TSHB: variants seen among roughly 807,000 people sequenced by gnomAD.
TSHB encodes the protein thyrotropin subunit beta.
TSHB carries 9 observed loss-of-function variants against 9.3 expected under a neutral mutation model. The ratio of observed to expected loss-of-function variants is 0.97; its 90% CI spans 0.58 to 1.69. The LOEUF (loss-of-function observed/expected upper bound fraction) is 1.69. Ranked by LOEUF, TSHB falls within the 40% of genes most tolerant of loss-of-function variation. The pLI, the probability that TSHB is intolerant of heterozygous loss-of-function variation, is 0.00. For synonymous variants in TSHB, 57 were observed against 57.2 expected (o/e 1.00, Z 0.01); for missense variants, 182 against 168.5 (o/e 1.08, Z -0.44).
chr1:115,031,460 A>G (rs1258816309), intron 1 of TSHB, among the ~76,000 whole-genome samples: 1 of 152,036 alleles, frequency 6.6e-6, no homozygotes, highest in Admixed American at 6.6e-5. Flanking sequence ...GTTCTCATAG[A>G]TTTATGGAAG....
At position 115,034,102 on chromosome 1, in the gene TSHB, C is replaced by G; in HGVS notation, c.292C>G (p.Pro98Ala). 6.2e-7 allele frequency: 1 copy of G among 1,613,764 alleles called. No individual in the cohort carries two copies. The highest frequency in any genetic ancestry group is 1.1e-5 in the South Asian group (1 of 91,080). ...CCATGTTGCTCCCTATTTTTCCTAT[C>G]CTGTTGCTTTAAGCTGTAAGTGTGG... is the stretch of plus-strand genomic sequence containing the variant. ...PLHVAPYFSY[P>A]VALSCKCGKC... The change falls in exon 3 of 3, where the codon CCT becomes GCT. Residue 98 changes from proline to alanine, a missense_variant. By Grantham distance (27) the Pro-to-Ala change is conservative. Transcript: ENST00000256592.
chr1:115,033,817 C>A, intron 2 of TSHB, 156 bp from the exon 3 acceptor site: 1 of 501,486 alleles, frequency 2.0e-6, no homozygotes, highest in Non-Finnish European at 2.6e-6. Flanking sequence ...TAGAATTCAA[C>A]GTGGTTAAGT....
chr1:115,033,585 C>A, intron 2 of TSHB, 61 bp downstream of exon 2: 2 of 1,424,748 alleles, frequency 1.4e-6, no homozygotes, highest in South Asian at 1.1e-5. Flanking sequence ...GAAGTCCATT[C>A]CTATATAGAA....
intron 1 of TSHB, among the ~76,000 whole-genome samples, chr1:115,030,304 G>A (rs569727575): frequency 1.3e-5 from 2 of 152,056 alleles, no homozygotes; most frequent in Non-Finnish European, 1.5e-5. Context: ...TGTATTATAA[G>A]TTCTTTTTAG....
chr1:115,033,176 C>A lies in TSHB; in HGVS notation c.-1-186C>A, dbSNP rs115574255. On this transcript the variant is annotated intron_variant, in intron 1 of 2. Transcript: ENST00000256592. ...AGATTTCTGAGTTAGCCCCTTAACA[C>A]CAGTTGTAATTTCAGTTGACCTTTT... The A allele has an allele frequency of 8.5e-3, 1,426 of 167,266 alleles. 23 individuals carry two copies. The highest frequency in any genetic ancestry group is 0.032 in the African/African-American group (1,346 of 41,788). The allele number at this position is 167,266 out of a possible 1,614,324, so 10.4% of individuals were successfully genotyped here.
rs1417433203 is a variant in TSHB, at chr1:115,033,463, G to T, written c.101G>T (p.Arg34Ile). Residue 34 changes from arginine (R) to isoleucine (I), a missense_variant, in exon 2 of 3, where the codon AGA becomes ATA. Transcript: ENST00000256592. ...PTEYTMHIER[R>I]ECAYCLTINT... ...GAGTATACAATGCACATCGAAAGGA[G>T]AGAGTGTGCTTATTGCCTAACCATC... The T allele has an allele frequency of 6.2e-7, 1 of 1,613,184 alleles. No homozygotes were observed. Among genetic ancestry groups the T allele is most frequent in the East Asian group, 2.2e-5 (1 of 44,862 alleles).
intron 2 of TSHB, 124 bp downstream of exon 2, chr1:115,033,648 C>T: frequency 1.0e-6 from 1 of 955,974 alleles, no homozygotes; most frequent in Admixed American, 1.7e-5. Flanking sequence ...GTTATTGGCT[C>T]CTTAGAAGCA....
chr1:115,030,784 A>T lies in TSHB; in HGVS notation c.-2+924A>T, dbSNP rs547960352. On this transcript the variant is annotated intron_variant, in intron 1 of 2. Coordinates refer to ENST00000256592, the MANE Select transcript of TSHB (RefSeq NM_000549.5). ...ATGACAATGAGGAAGAAATTGTGGC[A>T]TATCACAGAGGAAGGGATTAACTAA... Among the ~76,000 whole-genome samples the T allele has an allele frequency of 3.3e-5, 5 of 152,146 alleles. No individual in the cohort carries two copies. The East Asian group carries it at 9.6e-4, about 29-fold the overall frequency.
At chr1:115,031,344 C>A (rs1674890928) in intron 1 of TSHB, among the ~76,000 whole-genome samples, 1 of 151,688 alleles carries the variant, frequency 6.6e-6, no homozygotes, top group Admixed American at 6.6e-5. Flanking sequence ...ATAGGAAAAC[C>A]AAAACAAATT....
rs1244135021 is a variant in TSHB, at chr1:115,034,016, A to G, written c.206A>G (p.Gln69Arg). 3 of 1,613,702 alleles carry G rather than the reference A, an allele frequency of 1.9e-6. No homozygotes were observed. Among genetic ancestry groups the G allele is most frequent in the Non-Finnish European group, 2.5e-6 (3 of 1,179,754 alleles). ...KLFLPKYALS[Q>R]DVCTYRDFIY... ...TTTCTTCCCAAATATGCTCTGTCCCAGGATGTTTGCACATATAGAGACTTC... is the reference window on the plus strand; with the variant it reads ...TTTCTTCCCAAATATGCTCTGTCCCGGGATGTTTGCACATATAGAGACTTC... The change falls in exon 3 of 3, where the codon CAG (glutamine) becomes CGG (arginine). Residue 69 changes from glutamine (Q) to arginine (R), a missense_variant. Physicochemically the swap from Gln to Arg is conservative, Grantham distance 43. Coordinates refer to ENST00000256592, the MANE Select transcript of TSHB (RefSeq NM_000549.5).
intron 1 of TSHB, among the ~76,000 whole-genome samples, chr1:115,032,199 G>A (rs1674907215): frequency 6.6e-6 from 1 of 151,920 alleles, no homozygotes; most frequent in African/African-American, 2.4e-5. Context: ...AGGAATAGAA[G>A]GTTGATTGAA....
chr1:115,031,653 A>C (rs558409193), intron 1 of TSHB, among the ~76,000 whole-genome samples: 2 of 152,048 alleles, frequency 1.3e-5, no homozygotes, highest in Admixed American at 1.3e-4. Context: ...AGCATTTTAC[A>C]TAATTTACCA....
intron 1 of TSHB, among the ~76,000 whole-genome samples, chr1:115,030,469 G>A (rs867501718): frequency 3.3e-5 from 5 of 151,916 alleles, no homozygotes; most frequent in Non-Finnish European, 5.9e-5. Flanking sequence ...GGGATTTGGA[G>A]AGTAAAAATT....
intron 1 of TSHB, among the ~76,000 whole-genome samples, chr1:115,031,497 A>G (rs1570952411): frequency 6.6e-6 from 1 of 152,120 alleles, no homozygotes; most frequent in East Asian, 1.9e-4. Context: ...TTTTAGACCA[A>G]TATTTTCATC....
In TSHB at chr1:115,033,998, C is replaced by T; in HGVS notation, c.188C>T (p.Pro63Leu). 1.2e-6 allele frequency: 2 copies of T among 1,613,548 alleles called. No homozygotes were observed. The highest frequency in any genetic ancestry group is 1.7e-6 in the Non-Finnish European group (2 of 1,179,692). Residue 63 changes from proline (P) to leucine (L), a missense_variant, in exon 3 of 3, where the codon CCC (proline) becomes CTC (leucine). Physicochemically the swap from Pro to Leu is moderately conservative, Grantham distance 98 (BLOSUM62 -3). Coordinates refer to ENST00000256592, the MANE Select transcript of TSHB (RefSeq NM_000549.5). Reference sequence around the variant, plus strand: ...GATATCAATGGCAAACTGTTTCTTCCCAAATATGCTCTGTCCCAGGATGTT... The same window carrying T: ...GATATCAATGGCAAACTGTTTCTTCTCAAATATGCTCTGTCCCAGGATGTT... ...TRDINGKLFL[P>L]KYALSQDVCT... is the part of the protein sequence containing the mutation.
chr1:115,032,522 T>A (rs1674914178), intron 1 of TSHB, among the ~76,000 whole-genome samples: 1 of 152,024 alleles, frequency 6.6e-6, no homozygotes, highest in African/African-American at 2.4e-5. Flanking sequence ...TTAAGGTATA[T>A]ATTTTCTTTA....
chr1:115,033,511 A>G lies in TSHB; in HGVS notation c.149A>G (p.Tyr50Cys). 1 of 1,613,176 alleles carries G rather than the reference A, an allele frequency of 6.2e-7. No individual in the cohort carries two copies. The highest frequency in any genetic ancestry group is 8.5e-7 in the Non-Finnish European group (1 of 1,179,210). The change falls in exon 2 of 3, where the codon TAT becomes TGT. Residue 50 changes from tyrosine to cysteine, a missense_variant. Coordinates refer to ENST00000256592, the MANE Select transcript of TSHB (RefSeq NM_000549.5). ...ATCAACACCACCATCTGTGCTGGATATTGTATGACACGGGTATGTAGTTCA... is the reference window on the plus strand; with the variant it reads ...ATCAACACCACCATCTGTGCTGGATGTTGTATGACACGGGTATGTAGTTCA... ...LTINTTICAG[Y>C]CMTRDINGKL...
rs572732386 is a variant in TSHB at position 115,032,011 on chromosome 1, T to C, written c.-1-1351T>C. Among the ~76,000 whole-genome samples the C allele has an allele frequency of 2.6e-4, 40 of 152,168 alleles. No individual in the cohort carries two copies. The South Asian group carries it at 5.4e-3, about 20-fold the overall frequency. On this transcript the variant is annotated intron_variant, in intron 1 of 2. Coordinates refer to ENST00000256592, the MANE Select transcript of TSHB (RefSeq NM_000549.5). ...TAATTGTAGGTCTTAAAGTCTTAAT[T>C]TGGACTCTTTCAGAGCACTAGAACA...
intron 1 of TSHB, among the ~76,000 whole-genome samples, chr1:115,031,459 G>A (rs1182968609): frequency 1.3e-5 from 2 of 151,974 alleles, no homozygotes; most frequent in East Asian, 1.9e-4. Context: ...AGTTCTCATA[G>A]ATTTATGGAA....
Sources: allele counts gnomAD v4.1 joint callset (sites outside exome capture counted in the v4.1 genomes callset), GRCh38; gene constraint gnomAD v4.1.1; transcripts MANE v1.5; gene names NCBI Gene and HGNC (gene_info 2026-07-23, HGNC 2026-07-21).